Variants in KLF12 observed in about 807,000 individuals in gnomAD.
The protein encoded by KLF12 is Krueppel-like factor 12.
A neutral mutation model predicts 37.8 loss-of-function variants in KLF12; 9 were observed. The ratio of observed to expected loss-of-function variants is 0.24; its 90% CI spans 0.14 to 0.42. The LOEUF is 0.42. Among genes scored for constraint, KLF12 ranks in the 10% least tolerant of loss-of-function variants. The pLI is 1.00. For synonymous variants in KLF12, 208 were observed against 202.1 expected, an observed-to-expected ratio of 1.03 and a Z score of -0.25; for missense variants, 411 against 516.0, an observed-to-expected ratio of 0.80 and a Z score of 1.97.
intron 5 of KLF12, among the ~76,000 whole-genome samples, chr13:73,778,491 C>G (rs981406458): frequency 2.6e-5 from 4 of 152,190 alleles, no homozygotes; most frequent in Admixed American, 2.6e-4. Context: ...TCCCGAGTAG[C>G]TGGGACTACA....
intron 4 of KLF12, among the ~76,000 whole-genome samples, chr13:73,819,459 A>G (rs1351184533): frequency 1.3e-5 from 2 of 152,180 alleles, no homozygotes. Context: ...AAATACCATT[A>G]CAGAGGCAGA....
In KLF12 at chr13:73,846,150, G is replaced by C. The variant is rs1885005593; in HGVS notation, c.347C>G (p.Ser116Cys). 1 of 1,614,142 alleles carries C rather than the reference G, an allele frequency of 6.2e-7. No homozygotes were observed. ...GGCTAGACGACTAGAAGACGATGAA[G>C]AGGTTGAAGTTGAAGAAGGTGAGGA... Residue 116 changes from serine to cysteine, a missense_variant, in exon 4 of 8, where the codon TCT (serine) becomes TGT (cysteine). By Grantham distance (112) the Ser-to-Cys change is moderately radical. Coordinates refer to ENST00000377669, the MANE Select transcript of KLF12 (RefSeq NM_007249.5).
intron 3 of KLF12, among the ~76,000 whole-genome samples, chr13:73,846,751 CTA>C (rs1885049309): frequency 6.6e-6 from 1 of 152,168 alleles, no homozygotes; most frequent in Non-Finnish European, 1.5e-5. Context: ...GGAAAACTCA[CTA>C]TGACATTTCT....
At chr13:73,702,179 A>G (rs1874608376) in intron 7 of KLF12, among the ~76,000 whole-genome samples, 1 of 152,208 alleles carries the variant, frequency 6.6e-6, no homozygotes, top group African/African-American at 2.4e-5. Flanking sequence ...CTGGGAAAAC[A>G]AAAACTCACA....
At chr13:73,756,672 C>T (rs1382113831) in intron 6 of KLF12, among the ~76,000 whole-genome samples, 1 of 152,046 alleles carries the variant, frequency 6.6e-6, no homozygotes, top group African/African-American at 2.4e-5. Context: ...TAGTCTTTCC[C>T]ATCATTTTTT....
At chr13:74,096,427 G>A (rs1593896302) in intron 1 of KLF12, among the ~76,000 whole-genome samples, 1 of 152,106 alleles carries the variant, frequency 6.6e-6, no homozygotes. Flanking sequence ...AGGGACCAAA[G>A]ATTACAATCA....
In KLF12 at chr13:73,944,006, G is replaced by T. The variant is rs1890309974; in HGVS notation, c.98C>A (p.Thr33Lys). 6.2e-7 allele frequency: 1 copy of T among 1,612,424 alleles called. No individual in the cohort carries two copies. Among genetic ancestry groups the T allele is most frequent in the African/African-American group, 1.3e-5 (1 of 74,856 alleles). ...CCCTTGTTCAGATTCCAAAAGCTCTGTTTTGACTCTGACTGCCGGCATCCC... is the reference window on the plus strand; with the variant it reads ...CCCTTGTTCAGATTCCAAAAGCTCTTTTTTGACTCTGACTGCCGGCATCCC... Residue 33 changes from threonine to lysine, a missense_variant, in exon 3 of 8, where the codon ACA (threonine) becomes AAA (lysine). Physicochemically the swap from Thr to Lys is moderately conservative, Grantham distance 78 (BLOSUM62 -1). Coordinates refer to ENST00000377669, the MANE Select transcript of KLF12 (RefSeq NM_007249.5).
At chr13:74,135,792 T>C (rs1396126108), upstream of KLF12, among the ~76,000 whole-genome samples, 1 of 152,132 alleles carries the variant, frequency 6.6e-6, no homozygotes, top group Non-Finnish European at 1.5e-5. Flanking sequence ...AAAGCTTTGC[T>C]GTACTGTGGC....
intron 4 of KLF12, among the ~76,000 whole-genome samples, chr13:73,815,287 T>C (rs1417305278): frequency 2.0e-5 from 3 of 152,138 alleles, no homozygotes; most frequent in African/African-American, 7.2e-5. Flanking sequence ...ACCCAGTCAC[T>C]CGAAGGGCAC....
chr13:73,958,311 T>G (rs1196012045), intron 2 of KLF12, among the ~76,000 whole-genome samples: 6 of 152,152 alleles, frequency 3.9e-5, no homozygotes. Flanking sequence ...TGGTGCGATC[T>G]CGGCTCACTG....
At chr13:74,149,773 G>A in the KLF12 span, among the ~76,000 whole-genome samples, 1 of 152,266 alleles carries the variant, frequency 6.6e-6, no homozygotes, top group South Asian at 2.1e-4. Context: ...GGCTACCTGT[G>A]ACCTCTCCAA....
At chr13:73,929,157 A>G (rs1889547842) in intron 3 of KLF12, among the ~76,000 whole-genome samples, 1 of 152,326 alleles carries the variant, frequency 6.6e-6, no homozygotes, top group African/African-American at 2.4e-5. Context: ...TAGATTCAAT[A>G]AAAGTGCAAA....
At chr13:74,044,518 A>G (rs1893487947) in intron 1 of KLF12, among the ~76,000 whole-genome samples, 1 of 152,120 alleles carries the variant, frequency 6.6e-6, no homozygotes, top group Admixed American at 6.6e-5. Context: ...AATAAGGGAG[A>G]TATGTCAGAG....
intron 3 of KLF12, among the ~76,000 whole-genome samples, chr13:73,874,081 T>A (rs545855127): frequency 6.6e-6 from 1 of 152,110 alleles, no homozygotes; most frequent in South Asian, 2.1e-4. Flanking sequence ...TCTGATGAGG[T>A]CAAATGCAGC....
intron 5 of KLF12, among the ~76,000 whole-genome samples, chr13:73,803,476 C>T (rs925765926): frequency 1.8e-4 from 27 of 152,064 alleles, no homozygotes; most frequent in African/African-American, 6.0e-4. Flanking sequence ...ACCCTGCCTA[C>T]CACCTTCCAC....
At chr13:74,136,016 A>G (rs1878542883), upstream of KLF12, among the ~76,000 whole-genome samples, 1 of 152,074 alleles carries the variant, frequency 6.6e-6, no homozygotes, top group African/African-American at 2.4e-5. Flanking sequence ...GGAAAATGGG[A>G]TGGGTGGTCC....
At chr13:73,941,094 C>A (rs1890165194) in intron 3 of KLF12, among the ~76,000 whole-genome samples, 2 of 152,198 alleles carry the variant, frequency 1.3e-5, no homozygotes, top group Non-Finnish European at 1.5e-5. Flanking sequence ...AGATTAGTAT[C>A]TATTTCTTAA....
At chr13:74,197,215 A>T in the KLF12 span, among the ~76,000 whole-genome samples, 1 of 152,222 alleles carries the variant, frequency 6.6e-6, no homozygotes, top group Non-Finnish European at 1.5e-5. Context: ...AAGAAAACAT[A>T]CAAACACTGT....
intron 1 of KLF12, among the ~76,000 whole-genome samples, chr13:74,004,902 T>C (rs1329193505): frequency 2.0e-5 from 3 of 151,944 alleles, no homozygotes; most frequent in Admixed American, 6.5e-5. Context: ...CTCTTTCTCC[T>C]TTCCTCACCA....
Sources: allele counts gnomAD v4.1 joint callset (sites outside exome capture counted in the v4.1 genomes callset), GRCh38; gene constraint gnomAD v4.1.1; transcripts MANE v1.5; gene names NCBI Gene and HGNC (gene_info 2026-07-23, HGNC 2026-07-21).